The following CTBP1 variants were observed in gnomAD, a reference collection of about 807,000 sequenced individuals.
The protein encoded by CTBP1 is C-terminal-binding protein 1.
In CTBP1, 11 loss-of-function variants were observed where a neutral mutation model predicts 42.1. That is an observed-to-expected ratio of 0.26 (90% CI 0.16 to 0.43). CTBP1 has a LOEUF of 0.43. Ranked by LOEUF, CTBP1 falls within the 20% of genes least tolerant of loss-of-function variation. The pLI, the probability that CTBP1 is intolerant of heterozygous loss-of-function variation, is 1.00. For synonymous variants in CTBP1, 324 were observed against 277.1 expected (o/e 1.17, Z -1.68); for missense variants, 399 against 624.3 (o/e 0.64, Z 3.85).
chr4:1,220,820 C>T lies in CTBP1; in HGVS notation c.514+4540G>A, dbSNP rs567855962. ...GGGCCACCACCCCAGCCTCACACCACGTGTGAGTGGCAGCCCAGGAGACCC... is the reference window on the plus strand; with the variant it reads ...GGGCCACCACCCCAGCCTCACACCATGTGTGAGTGGCAGCCCAGGAGACCC... On this transcript the variant is annotated intron_variant, in intron 5 of 9. Transcript: ENST00000382952. 8.0e-4 allele frequency among the ~76,000 whole-genome samples: 122 copies of T among 152,368 alleles called. 1 individual carries two copies. In the Middle Eastern group the frequency reaches 0.01, roughly 13 times the overall value.
At chr4:1,214,228 C>A (rs754501106) in intron 7 of CTBP1, 115 bp downstream of exon 7, 74 of 1,318,024 alleles carry the variant, frequency 5.6e-5, no homozygotes, top group Non-Finnish European at 6.6e-5. Context: ...TGCTGGCCAG[C>A]GAGAGGCCTG....
At chr4:1,245,765 G>A (rs1211027445) in intron 1 of CTBP1, among the ~76,000 whole-genome samples, 2 of 152,102 alleles carry the variant, frequency 1.3e-5, no homozygotes, top group African/African-American at 2.4e-5. Flanking sequence ...GGTAGGCAGG[G>A]TGGCTTGGGC....
intron 7 of CTBP1, chr4:1,213,834 C>T (rs1004879975): frequency 4.1e-5 from 22 of 543,136 alleles, no homozygotes; most frequent in Non-Finnish European, 6.3e-5. Flanking sequence ...GGGATTTAAT[C>T]TCCAAGTCCC....
intron 5 of CTBP1, chr4:1,217,362 G>C (rs1729241076): frequency 3.3e-5 from 5 of 152,460 alleles, no homozygotes; most frequent in African/African-American, 1.2e-4. Flanking sequence ...TGCTGCAGGA[G>C]GGAGGAGGGC....
At chr4:1,231,280 G>C (rs1174630145) in intron 3 of CTBP1, 1 of 152,272 alleles carries the variant, frequency 6.6e-6, no homozygotes, top group Non-Finnish European at 1.5e-5. Context: ...CCCGCCTGTT[G>C]CATTGGTCTC....
intron 1 of CTBP1, chr4:1,243,415 T>C: frequency 1.9e-5 from 19 of 985,360 alleles, no homozygotes; most frequent in Non-Finnish European, 2.3e-5. Flanking sequence ...CTGCACCCCA[T>C]GCCACAGGGA....
intron 5 of CTBP1, among the ~76,000 whole-genome samples, chr4:1,218,978 C>G (rs530480075): frequency 6.6e-6 from 1 of 152,168 alleles, no homozygotes; most frequent in East Asian, 1.9e-4. Context: ...CAAAGACTGT[C>G]AGACTGAAAA....
Position 1,214,324 on chromosome 4 carries a change from G to A in CTBP1, c.860+19C>T, listed in dbSNP as rs746298480. On this transcript the variant is annotated intron_variant, in intron 7 of 9. Coordinates refer to ENST00000382952, the MANE Select transcript of CTBP1 (RefSeq NM_001012614.2). ...GTGGACAGGGAAGAGCAGGGGGGCG[G>A]CACTGGCCGTGGGGGCACCTGAAGG... 2.0e-6 allele frequency: 3 copies of A among 1,532,706 alleles called. No homozygotes were observed. Among genetic ancestry groups the A allele is most frequent in the Non-Finnish European group, 1.7e-6 (2 of 1,148,096 alleles). The allele number at this position is 1,532,706 out of a possible 1,614,324, so 94.9% of individuals were successfully genotyped here. A position where few individuals can be genotyped will look rare whatever the true frequency, so the allele number is the denominator to read the frequency against.
At chr4:1,249,676 C>T (rs1427869111), upstream of CTBP1, 3 of 423,436 alleles carry the variant, frequency 7.1e-6, no homozygotes, top group Non-Finnish European at 1.4e-5. Flanking sequence ...CACATGGGAC[C>T]CCGAGAGGAG....
At chr4:1,230,636 T>C (rs922006418) in intron 3 of CTBP1, among the ~76,000 whole-genome samples, 2 of 152,204 alleles carry the variant, frequency 1.3e-5, no homozygotes, top group Non-Finnish European at 2.9e-5. Context: ...CAGGCTTGTG[T>C]GTACGCAGGC....
At chr4:1,239,624 C>A (rs1360589210) in intron 2 of CTBP1, among the ~76,000 whole-genome samples, 2 of 152,234 alleles carry the variant, frequency 1.3e-5, no homozygotes, top group Non-Finnish European at 2.9e-5. Context: ...GGTGGACAGC[C>A]CAGGGGTGCA....
chr4:1,213,131 G>T, intron 8 of CTBP1, 101 bp from the exon 9 acceptor site: 1 of 1,041,620 alleles, frequency 9.6e-7, no homozygotes, highest in Non-Finnish European at 1.5e-6. Flanking sequence ...TTGGCAGTGT[G>T]CTCCTCCCTC....
At chr4:1,248,858 G>GCCCCCCC in intron 1 of CTBP1, 58 bp downstream of exon 1, 4 of 904,634 alleles carry the variant, frequency 4.4e-6, no homozygotes, top group Non-Finnish European at 5.3e-6. Context: ...CGCCCGCGCG[G>GCCCCCCC]CACCCGCCCC....
At chr4:1,243,715 C>T (rs1480804960) in intron 1 of CTBP1, 6 of 985,340 alleles carry the variant, frequency 6.1e-6, no homozygotes, top group Middle Eastern at 5.2e-4. Flanking sequence ...CCTGGCTGGC[C>T]GGTCAGGGTC....
intron 1 of CTBP1, among the ~76,000 whole-genome samples, chr4:1,247,341 G>C (rs1175234087): frequency 2.0e-5 from 3 of 152,172 alleles, no homozygotes; most frequent in South Asian, 2.1e-4. Context: ...CGCCTGTATG[G>C]AAGCAGGTGC....
chr4:1,245,703 G>A (rs914044473), intron 1 of CTBP1: 90 of 980,302 alleles, frequency 9.2e-5, no homozygotes, highest in African/African-American at 2.5e-4. Flanking sequence ...TGGCACGGGC[G>A]GGCAGGATGG....
chr4:1,242,424 C>T (rs919935479), intron 1 of CTBP1: 124 of 985,250 alleles, frequency 1.3e-4, no homozygotes, highest in Non-Finnish European at 1.4e-4. Context: ...CGACTGCCTG[C>T]CAGGCCAGAA....
chr4:1,241,317 C>CT lies in CTBP1; in HGVS notation c.7+7dup, dbSNP rs1560280137. 1 of 850,132 alleles carries CT rather than the reference C, an allele frequency of 1.2e-6. No homozygotes were observed. Among genetic ancestry groups the CT allele is most frequent in the Non-Finnish European group, 2.1e-6 (1 of 481,390 alleles). The allele number at this position is 850,132 out of a possible 1,614,324, so 52.7% of individuals were successfully genotyped here. On this transcript the variant is annotated splice_region_variant and intron_variant, in intron 2 of 9. Transcript: ENST00000382952. ...ACTCTGCCGCCGACGCCAGGAACCCCTACCAACCTGACATCTCTTAATATG... is the reference window on the plus strand; with the variant it reads ...ACTCTGCCGCCGACGCCAGGAACCCCTTACCAACCTGACATCTCTTAATATG...
intron 5 of CTBP1, chr4:1,221,869 A>G (rs1457394751): frequency 4.8e-6 from 2 of 415,356 alleles, no homozygotes; most frequent in Non-Finnish European, 4.8e-6. Flanking sequence ...AGAAGGAAGG[A>G]AGGAAGGGAA....
Sources: gnomAD v4.1 joint callset for allele counts (sites outside exome capture counted in the v4.1 genomes callset) on GRCh38, gnomAD v4.1.1 for gene constraint, MANE v1.5 for transcripts, NCBI Gene and HGNC (gene_info 2026-07-23, HGNC 2026-07-21) for gene names.